The following TNRC6C variants were observed in gnomAD, a reference collection of about 807,000 sequenced individuals.
TNRC6C encodes the protein trinucleotide repeat containing adaptor 6C, also known as trinucleotide repeat-containing gene 6C protein.
In TNRC6C, 20 loss-of-function variants were observed where a neutral mutation model predicts 153.7. The ratio of observed to expected loss-of-function variants is 0.13; its 90% CI spans 0.09 to 0.19. The LOEUF is 0.19. Ranked by LOEUF, TNRC6C falls within the 10% of genes least tolerant of loss-of-function variation. The pLI is 1.00. For missense variants in TNRC6C, 1,987 were observed against 2,172.0 expected, an observed-to-expected ratio of 0.91 and a Z score of 1.69; for synonymous variants, 811 against 841.4, an observed-to-expected ratio of 0.96 and a Z score of 0.63.
At chr17:77,990,965 A>G (rs1434939126) in intron 1 of TNRC6C, among the ~76,000 whole-genome samples, 1 of 152,184 alleles carries the variant, frequency 6.6e-6, no homozygotes, top group East Asian at 1.9e-4. Flanking sequence ...AATGGCCTAT[A>G]TATCATGGTA....
At chr17:77,971,867 TAAAA>T (rs60316098) in intron 1 of TNRC6C, among the ~76,000 whole-genome samples, 1 of 142,504 alleles carries the variant, frequency 7.0e-6, no homozygotes, top group African/African-American at 2.5e-5. Context: ...TTAAGTGAGT[TAAAA>T]AAAAAAAAAA....
At chr17:77,990,315 C>A (rs1434753520) in intron 1 of TNRC6C, among the ~76,000 whole-genome samples, 2 of 152,194 alleles carry the variant, frequency 1.3e-5, no homozygotes, top group Non-Finnish European at 2.9e-5. Flanking sequence ...AGAATGATCT[C>A]ATCAATAACT....
At chr17:78,000,630 C>CCCCCACACA (rs1555628277), upstream of TNRC6C, among the ~76,000 whole-genome samples, 1 of 62,310 alleles carries the variant, frequency 1.6e-5, no homozygotes, top group African/African-American at 9.4e-5. Flanking sequence ...CCCCCCCCCC[C>CCCCCACACA]CACACACACA....
At chr17:77,969,892 A>G (rs958486532) in intron 1 of TNRC6C, among the ~76,000 whole-genome samples, 1 of 152,204 alleles carries the variant, frequency 6.6e-6, no homozygotes, top group African/African-American at 2.4e-5. Context: ...AAAGGTGAGA[A>G]GACAGTTCTG....
At chr17:78,103,393 T>C (rs2073632750) in intron 18 of TNRC6C, 21 bp from the exon 22 acceptor site, 2 of 1,612,940 alleles carry the variant, frequency 1.2e-6, no homozygotes, top group Non-Finnish European at 1.7e-6. Context: ...CTCATTCATG[T>C]CCCTGTGCTT....
In TNRC6C at chr17:78,018,127, T is replaced by C. The variant is rs760690114; in HGVS notation, c.-546+13048T>C. 9.5e-4 allele frequency among the ~76,000 whole-genome samples: 144 copies of C among 152,230 alleles called. 2 individuals carry two copies. Among genetic ancestry groups the C allele is most frequent in the Non-Finnish European group, 1.6e-3 (108 of 68,030 alleles). On this transcript the variant is annotated intron_variant, in intron 1 of 19. Transcript: ENST00000301624. ...TGGTTTTTGGTTTTTGGTTTTTGTT[T>C]TGTTTTTTTGGTTTTTTTGAGATGG...
chr17:77,958,543 G>A (rs2070830622), upstream of TNRC6C, among the ~76,000 whole-genome samples: 1 of 152,148 alleles, frequency 6.6e-6, no homozygotes, highest in East Asian at 1.9e-4. Flanking sequence ...GAGGAGCTCA[G>A]GTGCAGAGTG....
At position 78,104,664 on chromosome 17, in the gene TNRC6C, G is replaced by A. The variant is rs1434038403; in HGVS notation, c.4892G>A (p.Gly1631Asp). The A allele has an allele frequency of 1.3e-6, 2 of 1,543,906 alleles. No homozygotes were observed. The highest frequency in any genetic ancestry group is 2.0e-5 in the Admixed American group (1 of 50,960). ...CATGGCCTGGTACGCAGCGACGCTG[G>A]CCACTGGAACGCCCCGTGCCTGGGT... is the stretch of plus-strand genomic sequence containing the variant. Residue 1631 changes from glycine (G) to aspartate (D), a missense_variant, in exon 20 of 20, where the codon GGC (glycine) becomes GAC (aspartate). By Grantham distance (94) the Gly-to-Asp change is moderately conservative. Coordinates refer to ENST00000301624, the Ensembl canonical transcript of TNRC6C. This position sits in a 1 kb window ranked among gnomAD's most constrained non-coding sequence, Gnocchi z 6.2.
Position 78,086,057 on chromosome 17 carries a change from C to T in TNRC6C, c.3478-446C>T, listed in dbSNP as rs562255960. Among the ~76,000 whole-genome samples the T allele has an allele frequency of 7.9e-5, 12 of 151,950 alleles. No individual in the cohort carries two copies. The Middle Eastern group carries it at 0.014, about 173-fold the overall frequency. On this transcript the variant is annotated intron_variant, in intron 11 of 19. Transcript: ENST00000301624. ...AGAATATGTGTCAGCCATGGCTGGG[C>T]GCCGTGGCTCATGCCTGTAATCCCA...
chr17:77,987,693 A>G (rs1481360945), intron 1 of TNRC6C, among the ~76,000 whole-genome samples: 1 of 152,072 alleles, frequency 6.6e-6, no homozygotes, highest in African/African-American at 2.4e-5. Flanking sequence ...TGTTTTTTGG[A>G]GACAGAGTCT....
chr17:77,976,952 A>AC (rs1020146796), intron 1 of TNRC6C, among the ~76,000 whole-genome samples: 3 of 150,300 alleles, frequency 2.0e-5, no homozygotes, highest in African/African-American at 7.4e-5. Flanking sequence ...AAAAAAAAAA[A>AC]AAAAAAAACT....
At chr17:78,088,615 CT>C (rs896230383) in intron 13 of TNRC6C, among the ~76,000 whole-genome samples, 17 of 146,744 alleles carry the variant, frequency 1.2e-4, no homozygotes, top group Admixed American at 4.1e-4. Context: ...TCTCTTTTTT[CT>C]TTTTTTTTTC....
intron 5 of TNRC6C, among the ~76,000 whole-genome samples, chr17:78,069,753 T>A (rs2072955050): frequency 6.6e-6 from 1 of 152,188 alleles, no homozygotes; most frequent in South Asian, 2.1e-4. Flanking sequence ...ATCACTAAAG[T>A]ACATTGTTAA....
chr17:78,038,401 C>A (rs781305979), intron 2 of TNRC6C, among the ~76,000 whole-genome samples: 1 of 151,954 alleles, frequency 6.6e-6, no homozygotes, highest in Non-Finnish European at 1.5e-5. Flanking sequence ...TGGCTGGGTG[C>A]GGTGGCTCAC....
intron 5 of TNRC6C, among the ~76,000 whole-genome samples, chr17:78,069,122 G>C (rs2072940141): frequency 2.0e-5 from 3 of 151,750 alleles, no homozygotes; most frequent in Admixed American, 2.0e-4. Flanking sequence ...AAAGTCAAAA[G>C]AAAAATAGCA....
intron 3 of TNRC6C, among the ~76,000 whole-genome samples, chr17:78,051,978 G>C (rs147755216): frequency 5.6e-4 from 85 of 152,298 alleles, no homozygotes; most frequent in African/African-American, 1.9e-3. Context: ...AGAGTAGAGA[G>C]ATTTTAAGGT....
At chr17:78,021,972 C>T (rs2071841640) in intron 1 of TNRC6C, among the ~76,000 whole-genome samples, 1 of 152,162 alleles carries the variant, frequency 6.6e-6, no homozygotes, top group Admixed American at 6.5e-5. Context: ...GTCTGATAGT[C>T]TAATATTACA....
At chr17:77,994,259 C>A (rs1373033610) in intron 1 of TNRC6C, among the ~76,000 whole-genome samples, 2 of 152,142 alleles carry the variant, frequency 1.3e-5, no homozygotes, top group African/African-American at 2.4e-5. Flanking sequence ...CCAGTGTAAA[C>A]CCCTGAAACT....
intron 16 of TNRC6C, chr17:78,097,803 C>A: frequency 3.2e-6 from 5 of 1,551,164 alleles, no homozygotes; most frequent in Non-Finnish European, 3.5e-6. Flanking sequence ...CCTGGCCACT[C>A]AGTGCCTCCG....
Sources: allele counts gnomAD v4.1 joint callset (sites outside exome capture counted in the v4.1 genomes callset), GRCh38; gene constraint gnomAD v4.1.1; non-coding constraint Gnocchi (gnomAD v3.1); transcripts MANE v1.5; gene names NCBI Gene and HGNC (gene_info 2026-07-23, HGNC 2026-07-21).